The following ROBO2 variants were observed in gnomAD, a reference collection of about 807,000 sequenced individuals.
The protein encoded by ROBO2 is roundabout guidance receptor 2.
Under a neutral mutation model 160.8 loss-of-function variants are expected in ROBO2, and 53 were observed. The observed-to-expected ratio is 0.33, with a 90% CI of 0.26 to 0.41. ROBO2 has a LOEUF of 0.41. Among genes scored for constraint, ROBO2 ranks in the 10% least tolerant of loss-of-function variants. ROBO2 has a pLI of 1.00. For synonymous variants in ROBO2, 664 were observed against 611.7 expected (o/e 1.09, Z -1.26); for missense variants, 1,577 against 1,722.4 (o/e 0.92, Z 1.49).
intron 2 of ROBO2, among the ~76,000 whole-genome samples, chr3:76,086,506 T>C (rs897632369): frequency 5.3e-5 from 8 of 152,076 alleles, no homozygotes; most frequent in African/African-American, 1.9e-4. Context: ...GAGAAGTAGG[T>C]AAAGTTCATA....
At chr3:77,421,915 A>G (rs895050441) in intron 2 of ROBO2, among the ~76,000 whole-genome samples, 3 of 152,198 alleles carry the variant, frequency 2.0e-5, no homozygotes, top group Non-Finnish European at 2.9e-5. Context: ...ATTTCCTTTT[A>G]CACATTAAAA....
intron 2 of ROBO2, among the ~76,000 whole-genome samples, chr3:76,535,356 A>G (rs1230466200): frequency 6.6e-6 from 1 of 152,058 alleles, no homozygotes; most frequent in East Asian, 1.9e-4. Context: ...GCGAATGATA[A>G]CAGCTTTAGT....
chr3:77,445,021 G>A (rs2080323112), intron 2 of ROBO2, among the ~76,000 whole-genome samples: 1 of 151,980 alleles, frequency 6.6e-6, no homozygotes. Context: ...GCTCTTTTTC[G>A]GCAAATAAAA....
At chr3:75,928,861 CGTGTGTG>C (rs1352916063) in intron 1 of ROBO2, among the ~76,000 whole-genome samples, 8 of 109,020 alleles carry the variant, frequency 7.3e-5, no homozygotes, top group East Asian at 2.9e-4. Context: ...CTGGATAAGA[CGTGTGTG>C]TGTGTGTGTG....
chr3:77,148,801 A>G (rs917349302), intron 2 of ROBO2, among the ~76,000 whole-genome samples: 14 of 152,212 alleles, frequency 9.2e-5, no homozygotes, highest in South Asian at 2.1e-4. Context: ...CTAATAGGGA[A>G]TTTTAAACTA....
chr3:75,975,529 T>G (rs1442120084), intron 2 of ROBO2, among the ~76,000 whole-genome samples: 1 of 151,490 alleles, frequency 6.6e-6, no homozygotes, highest in African/African-American at 2.4e-5. Flanking sequence ...TATTAGCATT[T>G]CTCAAGTTTT....
intron 2 of ROBO2, among the ~76,000 whole-genome samples, chr3:76,738,383 T>G (rs552008740): frequency 1.3e-5 from 2 of 152,130 alleles, no homozygotes; most frequent in East Asian, 3.9e-4. Context: ...GTTGACCTTT[T>G]GGGCCAAATA....
At chr3:76,923,793 C>G (rs1311380939) in intron 2 of ROBO2, among the ~76,000 whole-genome samples, 1 of 152,194 alleles carries the variant, frequency 6.6e-6, no homozygotes, top group East Asian at 1.9e-4. Flanking sequence ...GTGTTTCTGG[C>G]AACTTACCCT....
chr3:76,747,527 C>T (rs1256672705), intron 2 of ROBO2, among the ~76,000 whole-genome samples: 2 of 151,920 alleles, frequency 1.3e-5, no homozygotes, highest in African/African-American at 2.4e-5. Context: ...CTGACTTTTG[C>T]ACCTTGTCAT....
rs1011623777 is a variant in ROBO2, at chr3:76,126,677, C to G, written c.109+189075C>G. ...AAATATATAAGTAAAAATAGAATTC[C>G]TATATTCTATGGAATTAGAAACTAC... is the stretch of plus-strand genomic sequence containing the variant. On this transcript the variant is annotated intron_variant, in intron 2 of 26. Coordinates refer to the ROBO2 transcript ENST00000487694. Among the ~76,000 whole-genome samples the G allele has an allele frequency of 5.9e-5, 9 of 151,996 alleles. No homozygotes were observed. The East Asian group carries it at 1.7e-3, about 29-fold the overall frequency.
intron 2 of ROBO2, among the ~76,000 whole-genome samples, chr3:76,500,754 T>G (rs915342393): frequency 1.3e-5 from 2 of 152,230 alleles, no homozygotes; most frequent in Admixed American, 6.5e-5. Flanking sequence ...AAGTTGGAAG[T>G]TGGATATCTT....
intron 2 of ROBO2, among the ~76,000 whole-genome samples, chr3:76,398,870 T>G (rs1402435740): frequency 6.6e-6 from 1 of 151,752 alleles, no homozygotes; most frequent in Non-Finnish European, 1.5e-5. Context: ...GAGGTGCAAC[T>G]GAGTATGAAG....
rs1422405324 is a variant in ROBO2 at position 76,273,023 on chromosome 3, A to T, written c.109+335421A>T. ...TTATATATAAAAATATATTATATAT[A>T]ATATATATTTATAAAATATATATTA... On this transcript the variant is annotated intron_variant, in intron 2 of 26. Coordinates refer to the ROBO2 transcript ENST00000487694. Among the ~76,000 whole-genome samples the T allele has an allele frequency of 1.0e-4, 10 of 99,444 alleles. 1 individual carries two copies. In the East Asian group the frequency reaches 1.8e-3, roughly 18 times the overall value. 65.2% of individuals were successfully genotyped at this position (99,444 alleles called of 152,430 possible).
At chr3:76,952,269 C>CTATATT (rs1246337428) in intron 2 of ROBO2, among the ~76,000 whole-genome samples, 7 of 151,910 alleles carry the variant, frequency 4.6e-5, no homozygotes, top group Non-Finnish European at 8.8e-5. Context: ...GCATTGTAAC[C>CTATATT]TATTTTTATT....
chr3:76,161,073 C>T (rs1335164770), intron 2 of ROBO2, among the ~76,000 whole-genome samples: 1 of 151,978 alleles, frequency 6.6e-6, no homozygotes, highest in African/African-American at 2.4e-5. Context: ...TTCTGAGAGA[C>T]AGCAGTTGCT....
intron 2 of ROBO2, among the ~76,000 whole-genome samples, chr3:77,239,357 G>T (rs1226448943): frequency 6.6e-6 from 1 of 152,092 alleles, no homozygotes; most frequent in Non-Finnish European, 1.5e-5. Context: ...CTCCCGGTGG[G>T]CTTGTGGTCT....
intron 1 of ROBO2, among the ~76,000 whole-genome samples, chr3:77,083,612 T>A (rs1049265254): frequency 6.6e-6 from 1 of 152,024 alleles, no homozygotes; most frequent in East Asian, 1.9e-4. Context: ...GAGACACAGA[T>A]GGTGACTGTG....
At chr3:77,052,531 A>G (rs2065328356) in intron 1 of ROBO2, among the ~76,000 whole-genome samples, 1 of 152,220 alleles carries the variant, frequency 6.6e-6, no homozygotes, top group Admixed American at 6.5e-5. Flanking sequence ...TACTTTGGCT[A>G]TTTTGCAAAT....
intron 2 of ROBO2, among the ~76,000 whole-genome samples, chr3:76,944,680 T>C (rs2078404350): frequency 6.6e-6 from 1 of 152,190 alleles, no homozygotes; most frequent in African/African-American, 2.4e-5. Context: ...TGAATGGCCA[T>C]GCATAAAGCT....
Sources: gnomAD v4.1 joint callset for allele counts (sites outside exome capture counted in the v4.1 genomes callset) on GRCh38, gnomAD v4.1.1 for gene constraint, MANE v1.5 for transcripts, NCBI Gene and HGNC (gene_info 2026-07-23, HGNC 2026-07-21) for gene names.